Variants in GAS7 observed in about 807,000 individuals in gnomAD.
GAS7 encodes the protein growth arrest specific 7, also known as growth arrest-specific protein 7.
Under a neutral mutation model 71.1 loss-of-function variants are expected in GAS7, and 28 were observed. The ratio of observed to expected loss-of-function variants is 0.39; its 90% CI spans 0.29 to 0.54. The LOEUF is 0.54. GAS7 is among the 20% of genes least tolerant of loss of function. The pLI, the probability that GAS7 is intolerant of heterozygous loss-of-function variation, is 0.62. For missense variants in GAS7, 436 were observed against 627.8 expected, an observed-to-expected ratio of 0.69 and a Z score of 3.27; for synonymous variants, 258 against 245.8, an observed-to-expected ratio of 1.05 and a Z score of -0.46.
chr17:10,036,107 C>T lies in GAS7; in HGVS notation c.184-16210G>A, dbSNP rs1005550914. Among the ~76,000 whole-genome samples the T allele has an allele frequency of 4.6e-5, 7 of 152,208 alleles. No homozygotes were observed. In the East Asian group the frequency reaches 7.7e-4, roughly 17 times the overall value. On this transcript the variant is annotated intron_variant, in intron 1 of 13. Coordinates refer to ENST00000432992, the MANE Select transcript of GAS7 (RefSeq NM_201433.2). ...CTTCTCCATCACACAGCTCCAACTA[C>T]GAAACTGCTCCCCAGGTAACTAGGG...
chr17:10,189,143 AT>A (rs2074479188), intron 1 of GAS7, among the ~76,000 whole-genome samples: 1 of 152,134 alleles, frequency 6.6e-6, no homozygotes, highest in Admixed American at 6.5e-5. Context: ...GGATGGACAG[AT>A]GGGGAAAATA....
At chr17:9,982,647 C>T (rs1463078725) in intron 2 of GAS7, among the ~76,000 whole-genome samples, 3 of 151,804 alleles carry the variant, frequency 2.0e-5, no homozygotes, top group African/African-American at 4.8e-5. Context: ...CGTGGTGGCA[C>T]GTGCCTGTGA....
intron 2 of GAS7, among the ~76,000 whole-genome samples, chr17:10,003,992 T>A (rs1439778884): frequency 6.6e-6 from 1 of 152,156 alleles, no homozygotes; most frequent in Non-Finnish European, 1.5e-5. Context: ...TCATGCCAGC[T>A]TTGCATAGGG....
intron 1 of GAS7, among the ~76,000 whole-genome samples, chr17:10,098,703 T>C (rs2073668725): frequency 1.3e-5 from 2 of 152,204 alleles, no homozygotes; most frequent in Admixed American, 1.3e-4. Flanking sequence ...CTGATGCCTG[T>C]AATCCCAGCA....
chr17:10,169,825 C>T (rs1431957330), intron 1 of GAS7, among the ~76,000 whole-genome samples: 1 of 152,152 alleles, frequency 6.6e-6, no homozygotes, highest in Non-Finnish European at 1.5e-5. Flanking sequence ...AGTCCTCTTT[C>T]CAAATGCCTA....
At chr17:10,178,063 C>A (rs564006086) in intron 1 of GAS7, among the ~76,000 whole-genome samples, 1 of 152,160 alleles carries the variant, frequency 6.6e-6, no homozygotes. Context: ...CCTACAGAGC[C>A]GGAGGGATTC....
intron 1 of GAS7, among the ~76,000 whole-genome samples, chr17:10,130,124 G>A (rs1452081867): frequency 6.6e-6 from 1 of 151,174 alleles, no homozygotes; most frequent in African/African-American, 2.4e-5. Flanking sequence ...AGCCAAGATC[G>A]TGCTGCTGCA....
At chr17:10,181,878 G>C (rs900816130) in intron 1 of GAS7, among the ~76,000 whole-genome samples, 1 of 152,242 alleles carries the variant, frequency 6.6e-6, no homozygotes, top group East Asian at 1.9e-4. Flanking sequence ...GCTACCGCTG[G>C]TCATCCTCAC....
chr17:9,957,392 A>G (rs3826531), intron 5 of GAS7, among the ~76,000 whole-genome samples: 124,705 of 152,238 alleles, frequency 0.82, 51,397 homozygotes, highest in Middle Eastern at 0.9. Context: ...AAGGGCCGCC[A>G]TCAGCCCCCT....
At chr17:10,134,449 G>A (rs1373469967) in intron 1 of GAS7, among the ~76,000 whole-genome samples, 1 of 152,140 alleles carries the variant, frequency 6.6e-6, no homozygotes, top group African/African-American at 2.4e-5. Context: ...ACCCAGTAGT[G>A]GGATCCCTGG....
intron 1 of GAS7, among the ~76,000 whole-genome samples, chr17:10,023,438 C>T (rs529143671): frequency 1.1e-3 from 160 of 152,194 alleles, no homozygotes; most frequent in African/African-American, 3.6e-3. Flanking sequence ...AGAAACAACT[C>T]AAATCCCCCA....
chr17:10,159,545 C>T (rs921295512), intron 1 of GAS7, among the ~76,000 whole-genome samples: 1 of 151,908 alleles, frequency 6.6e-6, no homozygotes, highest in African/African-American at 2.4e-5. Context: ...CAGATGCACC[C>T]CCCCCAACCT....
Position 10,167,540 on chromosome 17 carries a change from G to A in GAS7, c.183+30668C>T, listed in dbSNP as rs914478752. Among the ~76,000 whole-genome samples the A allele has an allele frequency of 2.6e-4, 39 of 152,270 alleles. 1 individual carries two copies. The highest frequency in any genetic ancestry group is 1.5e-4 in the Non-Finnish European group (10 of 68,018). On this transcript the variant is annotated intron_variant, in intron 1 of 13. Transcript: ENST00000432992. Reference sequence around the variant, plus strand: ...TGGTGGCTTGGCTCATATCCCCTTCGTAAGATTTCAACCTGTTTAGAGGGC... The same window carrying A: ...TGGTGGCTTGGCTCATATCCCCTTCATAAGATTTCAACCTGTTTAGAGGGC...
At chr17:9,986,275 C>G (rs1597616815) in intron 2 of GAS7, among the ~76,000 whole-genome samples, 1 of 152,170 alleles carries the variant, frequency 6.6e-6, no homozygotes, top group African/African-American at 2.4e-5. Context: ...GTGGCTGACA[C>G]CATTGACCTT....
chr17:10,177,309 G>A (rs1003723525), intron 1 of GAS7, among the ~76,000 whole-genome samples: 11 of 152,116 alleles, frequency 7.2e-5, no homozygotes, highest in South Asian at 2.1e-4. Flanking sequence ...GTTGCTTCCC[G>A]CTCCCCAGGA....
At chr17:9,917,633 T>A (rs1007548856) in intron 13 of GAS7, among the ~76,000 whole-genome samples, 1 of 152,252 alleles carries the variant, frequency 6.6e-6, no homozygotes, top group African/African-American at 2.4e-5. Flanking sequence ...TTACCACCAG[T>A]GAACAGGACA....
Position 9,969,688 on chromosome 17 carries a change from C to G in GAS7, c.460G>C (p.Gly154Arg). ...ACAGGACCCCTTACCTGGGAATCAC[C>G]GGTGGATTTTCGGACACTCATGTGG... ...TAHMSVRKSTGDSQNLGSSSP... is the reference protein window; with the variant it reads ...TAHMSVRKSTRDSQNLGSSSP... The change falls in exon 4 of 14, where the codon GGT (glycine) becomes CGT (arginine). Residue 154 changes from glycine to arginine, a missense_variant. Physicochemically the swap from Gly to Arg is moderately radical, Grantham distance 125 (BLOSUM62 -2). Coordinates refer to ENST00000432992, the MANE Select transcript of GAS7 (RefSeq NM_201433.2). The surrounding 1 kb of genome is among the most constrained non-coding windows in gnomAD (Gnocchi z 5.5). The G allele has an allele frequency of 6.2e-7, 1 of 1,604,132 alleles. No homozygotes were observed. The highest frequency in any genetic ancestry group is 8.5e-7 in the Non-Finnish European group (1 of 1,170,904).
chr17:9,999,839 C>G lies in GAS7; in HGVS notation c.305-17955G>C, dbSNP rs1337639155. ...GAAGATCACACAAAATGAAGCAGAA[C>G]TAGGCAGCATCTTATAGTTGAAGGA... On this transcript the variant is annotated intron_variant, in intron 2 of 13. Transcript: ENST00000432992. Among the ~76,000 whole-genome samples, 4 of 152,224 alleles carry G rather than the reference C, an allele frequency of 2.6e-5. No individual in the cohort carries two copies. In the East Asian group the frequency reaches 7.7e-4, roughly 29 times the overall value.
Position 9,911,233 on chromosome 17 carries a change from G to C in GAS7, c.*5995C>G. The C allele has an allele frequency of 4.3e-6, 1 of 233,438 alleles. No homozygotes were observed. Among genetic ancestry groups the C allele is most frequent in the Non-Finnish European group, 8.5e-6 (1 of 118,222 alleles). The allele number at this position is 233,438 out of a possible 1,614,324, so 14.5% of individuals were successfully genotyped here. A position where few individuals can be genotyped will look rare whatever the true frequency, so the allele number is the denominator to read the frequency against. On this transcript the variant is annotated 3_prime_UTR_variant, in exon 14 of 14. Coordinates refer to ENST00000432992, the MANE Select transcript of GAS7 (RefSeq NM_201433.2). The surrounding 1 kb of genome is among the most constrained non-coding windows in gnomAD (Gnocchi z 4.0). ...GGAAGCGCCCCCACTTGACAGATGA[G>C]TGCACGGAGGTCCCGACAGGGGATG...
Sources: gnomAD v4.1 joint callset for allele counts (sites outside exome capture counted in the v4.1 genomes callset) on GRCh38, gnomAD v4.1.1 for gene constraint, Gnocchi (gnomAD v3.1) non-coding constraint, MANE v1.5 for transcripts, NCBI Gene and HGNC (gene_info 2026-07-23, HGNC 2026-07-21) for gene names.